Variants in DPP6 observed in about 807,000 individuals in gnomAD.
DPP6 encodes the protein A-type potassium channel modulatory protein DPP6.
A neutral mutation model predicts 122.6 loss-of-function variants in DPP6; 69 were observed. The observed-to-expected ratio is 0.56, with a 90% CI of 0.46 to 0.69. The LOEUF is 0.69. Among genes scored for constraint, DPP6 ranks in the 30% least tolerant of loss-of-function variants. The pLI, the probability that DPP6 is intolerant of heterozygous loss-of-function variation, is 0.00. For missense variants in DPP6, 928 were observed against 1,116.9 expected (o/e 0.83, Z 2.41); for synonymous variants, 418 against 433.1 (o/e 0.97, Z 0.43).
At chr7:154,561,817 C>T (rs1830444107) in intron 4 of DPP6, among the ~76,000 whole-genome samples, 2 of 152,012 alleles carry the variant, frequency 1.3e-5, no homozygotes, top group African/African-American at 4.8e-5. Context: ...ACCAAGCAAA[C>T]ATATTAATAA....
At chr7:154,542,239 C>CATT (rs1828787421) in intron 4 of DPP6, among the ~76,000 whole-genome samples, 2 of 152,080 alleles carry the variant, frequency 1.3e-5, no homozygotes, top group Non-Finnish European at 1.5e-5. Flanking sequence ...AATGTGCCTG[C>CATT]ATTTTTGCAT....
intron 1 of DPP6, among the ~76,000 whole-genome samples, chr7:154,427,975 C>T (rs1818049642): frequency 6.6e-6 from 1 of 152,200 alleles, no homozygotes; most frequent in African/African-American, 2.4e-5. Flanking sequence ...GTTGCTGTTT[C>T]TTTTAATCTA....
At chr7:154,130,152 G>T (rs1808264714) in intron 1 of DPP6, among the ~76,000 whole-genome samples, 1 of 152,102 alleles carries the variant, frequency 6.6e-6, no homozygotes. Flanking sequence ...ATTCAAAGAG[G>T]ACATGGAAGC....
chr7:154,576,679 C>T (rs970403800), intron 5 of DPP6, among the ~76,000 whole-genome samples: 4 of 152,066 alleles, frequency 2.6e-5, no homozygotes, highest in African/African-American at 7.2e-5. Context: ...CTCAGCAGGC[C>T]GGGCACAGCC....
At chr7:153,920,997 G>T (rs912266990) in intron 1 of DPP6, among the ~76,000 whole-genome samples, 12 of 152,242 alleles carry the variant, frequency 7.9e-5, no homozygotes, top group Admixed American at 3.9e-4. Flanking sequence ...CGATCCTGAA[G>T]TTCTGTGGGA....
intron 7 of DPP6, among the ~76,000 whole-genome samples, chr7:154,716,254 A>T (rs1457399750): frequency 6.6e-6 from 1 of 152,148 alleles, no homozygotes; most frequent in Non-Finnish European, 1.5e-5. Flanking sequence ...TGAAGCCCCA[A>T]CTTCCCTGGA....
chr7:154,590,136 A>G (rs892734572), intron 5 of DPP6, among the ~76,000 whole-genome samples: 1 of 152,078 alleles, frequency 6.6e-6, no homozygotes, highest in African/African-American at 2.4e-5. Context: ...CTCGGGTACC[A>G]CTAGTTTATT....
At chr7:154,686,334 C>A (rs1051486545) in intron 7 of DPP6, among the ~76,000 whole-genome samples, 20 of 152,036 alleles carry the variant, frequency 1.3e-4, no homozygotes, top group African/African-American at 4.8e-4. Context: ...AGCCTTTGAA[C>A]ACCTCTTAAA....
At chr7:154,329,901 C>A (rs937755738) in intron 1 of DPP6, among the ~76,000 whole-genome samples, 3 of 152,136 alleles carry the variant, frequency 2.0e-5, no homozygotes, top group African/African-American at 4.8e-5. Flanking sequence ...AGCTGGAAAC[C>A]ATCATTCTCA....
intron 1 of DPP6, among the ~76,000 whole-genome samples, chr7:154,210,282 G>A (rs769239355): frequency 2.0e-5 from 3 of 152,132 alleles, no homozygotes; most frequent in Non-Finnish European, 2.9e-5. Flanking sequence ...GTGATGTCCC[G>A]AGGTGTGTGA....
intron 23 of DPP6, among the ~76,000 whole-genome samples, chr7:154,888,413 G>A (rs928515199): frequency 6.6e-6 from 1 of 152,194 alleles, no homozygotes; most frequent in African/African-American, 2.4e-5. Flanking sequence ...TGACTGAGGA[G>A]CAGAAGGCCT....
the DPP6 span, among the ~76,000 whole-genome samples, chr7:153,775,684 G>A: frequency 2.3e-4 from 35 of 152,144 alleles, no homozygotes; most frequent in African/African-American, 7.2e-4. Flanking sequence ...GGCAAAACCC[G>A]AGAAATCCAC....
chr7:154,368,228 T>G lies in DPP6; in HGVS notation c.244-77986T>G, dbSNP rs556409110. On this transcript the variant is annotated intron_variant, in intron 1 of 25. Coordinates refer to ENST00000377770, the MANE Select transcript of DPP6 (RefSeq NM_130797.4). ...GAAGTCAGCCGACTACTGCGATGTA[T>G]GCCAAGCACAGGAATCTGGAGAAGT... Among the ~76,000 whole-genome samples, 6 of 152,338 alleles carry G rather than the reference T, an allele frequency of 3.9e-5. No individual in the cohort carries two copies. In the South Asian group the frequency reaches 1.2e-3, roughly 32 times the overall value.
chr7:153,896,853 A>T (rs1436949357), intron 1 of DPP6, among the ~76,000 whole-genome samples: 2 of 152,216 alleles, frequency 1.3e-5, no homozygotes, highest in African/African-American at 2.4e-5. Flanking sequence ...TATTTATAAC[A>T]GAAAATCAAA....
chr7:154,862,847 C>CAAAA (rs1214133875), intron 17 of DPP6, among the ~76,000 whole-genome samples: 3 of 152,200 alleles, frequency 2.0e-5, no homozygotes, highest in African/African-American at 7.2e-5. Context: ...AAAGATATGG[C>CAAAA]AAAAAGAATA....
chr7:154,387,116 T>C (rs957582690), intron 1 of DPP6, among the ~76,000 whole-genome samples: 1 of 152,102 alleles, frequency 6.6e-6, no homozygotes, highest in Non-Finnish European at 1.5e-5. Context: ...CTATATAGAC[T>C]TCAAGTAACA....
At position 154,111,616 on chromosome 7, in the gene DPP6, G is replaced by T. The variant is rs146273148; in HGVS notation, c.243+58553G>T. Among the ~76,000 whole-genome samples the T allele has an allele frequency of 7.1e-3, 900 of 126,156 alleles. 13 individuals carry two copies. The highest frequency in any genetic ancestry group is 0.028 in the African/African-American group (870 of 31,198). The allele number at this position is 126,156 out of a possible 152,430, so 82.8% of individuals were successfully genotyped here. ...GATAATAAAAATGAAAACAGGCAGG[G>T]TTTCGTGTGTGTGTGTGTGTGTGTG... On this transcript the variant is annotated intron_variant, in intron 1 of 25. Coordinates refer to ENST00000377770, the MANE Select transcript of DPP6 (RefSeq NM_130797.4).
intron 17 of DPP6, among the ~76,000 whole-genome samples, chr7:154,867,694 AC>A (rs1312129458): frequency 6.6e-6 from 1 of 152,194 alleles, no homozygotes; most frequent in African/African-American, 2.4e-5. Context: ...GAAGAATCAT[AC>A]CAAAACCTGT....
rs10610650 is a variant in DPP6, at chr7:154,406,429, GCACACACACA to G, written c.244-39775_244-39766del. ...GTAGCCGGGGGATGCACACACGCAT[GCACACACACA>G]CACACACACGCACACATGCACATGC... On this transcript the variant is annotated intron_variant, in intron 1 of 25. Coordinates refer to ENST00000377770, the MANE Select transcript of DPP6 (RefSeq NM_130797.4). Among the ~76,000 whole-genome samples, 600 of 149,736 alleles carry G rather than the reference GCACACACACA, an allele frequency of 4.0e-3. 3 individuals carry two copies. The highest frequency in any genetic ancestry group is 6.9e-3 in the Non-Finnish European group (466 of 67,332).
Sources: gnomAD v4.1 joint callset for allele counts (sites outside exome capture counted in the v4.1 genomes callset) on GRCh38, gnomAD v4.1.1 for gene constraint, MANE v1.5 for transcripts, NCBI Gene and HGNC (gene_info 2026-07-23, HGNC 2026-07-21) for gene names.